IMPA2: variants seen among roughly 807,000 people sequenced by gnomAD.
IMPA2 encodes IMP 2.
In IMPA2, 32 loss-of-function variants were observed where a neutral mutation model predicts 35.1. The observed-to-expected ratio is 0.91, with a 90% CI of 0.69 to 1.23. IMPA2 has a LOEUF of 1.23. IMPA2 is among the 50% of genes most tolerant of loss of function. The pLI is 0.00. For synonymous variants in IMPA2, 135 were observed against 160.6 expected (o/e 0.84, Z 1.20); for missense variants, 334 against 387.6 (o/e 0.86, Z 1.16).
intron 2 of IMPA2, among the ~76,000 whole-genome samples, chr18:12,009,119 A>G (rs1049834543): frequency 6.6e-6 from 1 of 152,178 alleles, no homozygotes; most frequent in Non-Finnish European, 1.5e-5. Context: ...CTCTACAAAA[A>G]TAAAAATACT....
rs752480611 is a variant in IMPA2, at chr18:12,014,350, G to A, written c.467G>A (p.Arg156Gln). 14 of 1,599,856 alleles carry A rather than the reference G, an allele frequency of 8.8e-6. No individual in the cohort carries two copies. The highest frequency in any genetic ancestry group is 2.2e-5 in the South Asian group (2 of 89,518). ...RGRGAFCNGQ[R>Q]LRVSGETDLS... ...CGGGGCGCCTTCTGCAATGGCCAGCGGCTCCGGGTCTCCGGGGAGACAGGT... is the reference window on the plus strand; with the variant it reads ...CGGGGCGCCTTCTGCAATGGCCAGCAGCTCCGGGTCTCCGGGGAGACAGGT... The change falls in exon 5 of 8, where the codon CGG becomes CAG. Residue 156 changes from arginine to glutamine, a missense_variant. Transcript: ENST00000269159.
intron 6 of IMPA2, 35 bp downstream of exon 6, chr18:12,028,186 C>G: frequency 1.5e-6 from 2 of 1,375,042 alleles, no homozygotes; most frequent in South Asian, 1.2e-5. Context: ...CCCTGCAGCC[C>G]GAGGAGGAAG....
intron 5 of IMPA2, among the ~76,000 whole-genome samples, chr18:12,019,420 ATTTTTTTT>A (rs1023606644): frequency 1.5e-5 from 2 of 133,104 alleles, no homozygotes; most frequent in Non-Finnish European, 3.2e-5. Flanking sequence ...TGTCCGGCTA[ATTTTTTTT>A]TTTTTTTTTT....
rs1054479243 is a variant in IMPA2, at chr18:11,991,166, G to A, written c.97-7888G>A. Among the ~76,000 whole-genome samples, 2 of 152,198 alleles carry A rather than the reference G, an allele frequency of 1.3e-5. No individual in the cohort carries two copies. Among genetic ancestry groups the A allele is most frequent in the Admixed American group, 6.5e-5 (1 of 15,290 alleles). ...GATAGGAGGAAAGCCACGAGGGGAGGCAGGGGCCACAGGCCACGGGCCCTG... is the reference window on the plus strand; with the variant it reads ...GATAGGAGGAAAGCCACGAGGGGAGACAGGGGCCACAGGCCACGGGCCCTG... On this transcript the variant is annotated intron_variant, in intron 1 of 7. Coordinates refer to ENST00000269159, the MANE Select transcript of IMPA2 (RefSeq NM_014214.3). The surrounding 1 kb of genome is among the most constrained non-coding windows in gnomAD (Gnocchi z 4.1).
intron 7 of IMPA2, 128 bp downstream of exon 7, chr18:12,029,121 T>TG (rs1478943350): frequency 5.8e-5 from 53 of 916,402 alleles, no homozygotes; most frequent in African/African-American, 1.1e-4. Context: ...TTTTTTTTTT[T>TG]TTTTTTTTTT....
intron 1 of IMPA2, among the ~76,000 whole-genome samples, chr18:11,984,989 CAAA>C (rs1331241969): frequency 3.8e-4 from 42 of 110,712 alleles, no homozygotes; most frequent in Admixed American, 8.2e-4. Context: ...AAAAAAACAA[CAAA>C]AATCAGTCGA....
chr18:12,029,251 A>G lies in IMPA2; in HGVS notation c.751+258A>G, dbSNP rs142084975. On this transcript the variant is annotated intron_variant, in intron 7 of 7. Coordinates refer to ENST00000269159, the MANE Select transcript of IMPA2 (RefSeq NM_014214.3). ...TGCCTCAGCCTCCTGAGTAGCTGTG[A>G]TTACAGGTGCGTGCTACCATGCCTG... 1.4e-3 allele frequency among the ~76,000 whole-genome samples: 211 copies of G among 149,336 alleles called. 5 individuals are homozygous for G. The East Asian group carries it at 0.037, about 26-fold the overall frequency.
intron 5 of IMPA2, among the ~76,000 whole-genome samples, chr18:12,019,236 A>G (rs1907662806): frequency 6.6e-6 from 1 of 151,984 alleles, no homozygotes; most frequent in Non-Finnish European, 1.5e-5. Flanking sequence ...TTTGATATCA[A>G]ACCAAAACTC....
chr18:11,982,894 T>C (rs527757286), intron 1 of IMPA2, among the ~76,000 whole-genome samples: 1 of 152,278 alleles, frequency 6.6e-6, no homozygotes, highest in African/African-American at 2.4e-5. Flanking sequence ...TTTTCTTTTT[T>C]GAGGTCTGAC....
intron 2 of IMPA2, among the ~76,000 whole-genome samples, chr18:12,000,615 AT>A (rs367586917): frequency 1.5e-3 from 173 of 118,180 alleles, no homozygotes; most frequent in Admixed American, 1.7e-3. Context: ...AGTGTTTGTG[AT>A]TTTTTTTTTT....
chr18:11,996,905 G>C lies in IMPA2; in HGVS notation c.97-2149G>C, dbSNP rs567177603. Among the ~76,000 whole-genome samples, 19 of 151,012 alleles carry C rather than the reference G, an allele frequency of 1.3e-4. No individual in the cohort carries two copies. In the East Asian group the frequency reaches 2.1e-3, roughly 17 times the overall value. ...ATACACACCCAGAGATACACACAGA[G>C]ACACACATACCCTGCATCTTCCCAC... is the stretch of plus-strand genomic sequence containing the variant. On this transcript the variant is annotated intron_variant, in intron 1 of 7. Coordinates refer to ENST00000269159, the MANE Select transcript of IMPA2 (RefSeq NM_014214.3).
chr18:11,990,279 A>C (rs1906777557), intron 1 of IMPA2, among the ~76,000 whole-genome samples: 1 of 152,184 alleles, frequency 6.6e-6, no homozygotes, highest in Non-Finnish European at 1.5e-5. Context: ...TGCAGTGTGC[A>C]GGCGGACTGG....
chr18:11,981,525 A>G lies in IMPA2; in HGVS notation c.-145A>G. ...CGCTGGCTGCCCTTCCCGCCAGCGC[A>G]GGTGTGGGACGGGCGGCGGACTAGG... On this transcript the variant is annotated 5_prime_UTR_variant, in exon 1 of 8. Coordinates refer to ENST00000269159, the MANE Select transcript of IMPA2 (RefSeq NM_014214.3). The G allele has an allele frequency of 4.3e-6, 2 of 464,116 alleles. No individual in the cohort carries two copies. The highest frequency in any genetic ancestry group is 6.9e-6 in the Non-Finnish European group (2 of 289,804). 28.7% of individuals were successfully genotyped at this position (464,116 alleles called of 1,614,324 possible).
chr18:12,030,558 C>T lies in IMPA2; in HGVS notation c.*100C>T. 1 of 865,380 alleles carries T rather than the reference C, an allele frequency of 1.2e-6. No homozygotes were observed. The highest frequency in any genetic ancestry group is 1.5e-5 in the South Asian group (1 of 66,880). 53.6% of individuals were successfully genotyped at this position (865,380 alleles called of 1,614,324 possible). A position where few individuals can be genotyped will look rare whatever the true frequency, so the allele number is the denominator to read the frequency against. On this transcript the variant is annotated 3_prime_UTR_variant, in exon 8 of 8. Transcript: ENST00000269159. ...CCACGCTCCATGCCAGTGGCTCACG[C>T]TCTGCTCCTGGCTACCCCAGAGGGA...
intron 1 of IMPA2, among the ~76,000 whole-genome samples, chr18:11,990,113 C>T (rs145820118): frequency 1.3e-5 from 2 of 152,282 alleles, no homozygotes; most frequent in East Asian, 3.9e-4. Context: ...AGGCTTTGGT[C>T]TCTAGGCTGA....
rs780079980 is a variant in IMPA2 at position 12,025,956 on chromosome 18, G to T, written c.491-2087G>T. Among the ~76,000 whole-genome samples the T allele has an allele frequency of 9.2e-5, 14 of 151,708 alleles. 1 individual carries two copies. Among genetic ancestry groups the T allele is most frequent in the Non-Finnish European group, 1.9e-4 (13 of 67,976 alleles). ...TTATTTGCCATCTGTATCTCTTCTT[G>T]TGAGTCCAATTTCTATTTTTTAATT... On this transcript the variant is annotated intron_variant, in intron 5 of 7. Coordinates refer to ENST00000269159, the MANE Select transcript of IMPA2 (RefSeq NM_014214.3).
intron 1 of IMPA2, among the ~76,000 whole-genome samples, chr18:11,984,739 G>C (rs954516051): frequency 6.6e-5 from 10 of 151,656 alleles, no homozygotes; most frequent in Admixed American, 5.9e-4. Context: ...AGGCCGAGGT[G>C]GGCAGATCAC....
At position 11,997,184 on chromosome 18, in the gene IMPA2, A is replaced by G. The variant is rs112072463; in HGVS notation, c.97-1870A>G. On this transcript the variant is annotated intron_variant, in intron 1 of 7. Coordinates refer to ENST00000269159, the MANE Select transcript of IMPA2 (RefSeq NM_014214.3). ...AGCTCAGGGTTGAGGGTCCTGGACC[A>G]TGGGCAGATGCTACGGGAGCCACAT... 7.7e-3 allele frequency among the ~76,000 whole-genome samples: 1,172 copies of G among 152,332 alleles called. 10 individuals are homozygous for G. The highest frequency in any genetic ancestry group is 0.022 in the South Asian group (108 of 4,828).
At chr18:11,995,721 T>C (rs1598687364) in intron 1 of IMPA2, among the ~76,000 whole-genome samples, 2 of 152,180 alleles carry the variant, frequency 1.3e-5, no homozygotes, top group Non-Finnish European at 1.5e-5. Flanking sequence ...GTGGGACTTG[T>C]GGATGGAAGC....
Sources: gnomAD v4.1 joint callset for allele counts (sites outside exome capture counted in the v4.1 genomes callset) on GRCh38, gnomAD v4.1.1 for gene constraint, Gnocchi (gnomAD v3.1) non-coding constraint, MANE v1.5 for transcripts, NCBI Gene and HGNC (gene_info 2026-07-23, HGNC 2026-07-21) for gene names.